CSMD3: variants seen among roughly 807,000 people sequenced by gnomAD.
CSMD3 encodes CUB and Sushi multiple domains 3.
CSMD3 carries 177 observed loss-of-function variants against 435.2 expected under a neutral mutation model. The ratio of observed to expected loss-of-function variants is 0.41; its 90% confidence interval spans 0.36 to 0.46. The LOEUF is 0.46. Among genes scored for constraint, CSMD3 ranks in the 20% least tolerant of loss-of-function variants. The pLI is 0.34. For synonymous variants in CSMD3, 1,656 were observed against 1,520.5 expected (o/e 1.09, Z -2.07); for missense variants, 4,265 against 4,504.6 (o/e 0.95, Z 1.52).
chr8:113,299,383 A>T (rs2093746721), intron 2 of CSMD3, among the ~76,000 whole-genome samples: 1 of 152,194 alleles, frequency 6.6e-6, no homozygotes, highest in Non-Finnish European at 1.5e-5. Context: ...AAAAGCATAA[A>T]ATATGTTGCC....
intron 7 of CSMD3, among the ~76,000 whole-genome samples, chr8:112,971,056 C>A (rs1025531101): frequency 6.6e-6 from 1 of 152,148 alleles, no homozygotes; most frequent in Non-Finnish European, 1.5e-5. Flanking sequence ...ATTCTCTGAG[C>A]AGCCCTCTTT....
intron 1 of CSMD3, among the ~76,000 whole-genome samples, chr8:113,356,000 CT>C (rs1185375146): frequency 2.0e-5 from 3 of 150,868 alleles, no homozygotes; most frequent in Non-Finnish European, 4.4e-5. Context: ...TTTAGCAAGT[CT>C]AAACATAAAT....
At chr8:112,496,752 G>C (rs1821388436) in intron 30 of CSMD3, among the ~76,000 whole-genome samples, 1 of 152,098 alleles carries the variant, frequency 6.6e-6, no homozygotes, top group Non-Finnish European at 1.5e-5. Flanking sequence ...AAAAGCAATT[G>C]AACTCATGGA....
intron 4 of CSMD3, among the ~76,000 whole-genome samples, chr8:113,154,455 T>C (rs1310062709): frequency 6.6e-6 from 1 of 152,008 alleles, no homozygotes; most frequent in Admixed American, 6.6e-5. Flanking sequence ...ATGTGTTTTT[T>C]TTAATCTCTG....
Position 112,558,879 on chromosome 8 carries a change from A to G in CSMD3, c.4043-1925T>C, listed in dbSNP as rs186724278. 7.8e-4 allele frequency among the ~76,000 whole-genome samples: 118 copies of G among 152,082 alleles called. 1 individual carries two copies. Among genetic ancestry groups the G allele is most frequent in the African/African-American group, 2.7e-3 (114 of 41,544 alleles). On this transcript the variant is annotated intron_variant, in intron 24 of 70. Coordinates refer to ENST00000297405, the MANE Select transcript of CSMD3 (RefSeq NM_198123.2). ...TGCTTTAGTTGTATAACCTTAGAAG[A>G]AAGTGAATACTCTCATATTTAAAAT...
chr8:113,385,247 C>A (rs1210880681), intron 1 of CSMD3, among the ~76,000 whole-genome samples: 1 of 152,076 alleles, frequency 6.6e-6, no homozygotes, highest in East Asian at 1.9e-4. Context: ...TGTGTCTCTT[C>A]AAACTTTGTA....
chr8:112,985,825 C>T (rs943393770), intron 6 of CSMD3, among the ~76,000 whole-genome samples: 5 of 152,138 alleles, frequency 3.3e-5, no homozygotes, highest in Non-Finnish European at 7.4e-5. Flanking sequence ...CAGATGGGAC[C>T]ACCTCATTGC....
chr8:113,054,227 T>C (rs1162385032), intron 5 of CSMD3, among the ~76,000 whole-genome samples: 2 of 152,210 alleles, frequency 1.3e-5, no homozygotes, highest in Non-Finnish European at 2.9e-5. Context: ...GAAAAATATC[T>C]AATTTTATTC....
chr8:113,109,561 C>G (rs2090576462), intron 4 of CSMD3, among the ~76,000 whole-genome samples: 1 of 152,196 alleles, frequency 6.6e-6, no homozygotes, highest in African/African-American at 2.4e-5. Flanking sequence ...TGTCTTATAG[C>G]TCAAGAATAA....
At chr8:113,020,013 A>AAT (rs2086627232) in intron 5 of CSMD3, among the ~76,000 whole-genome samples, 1 of 149,904 alleles carries the variant, frequency 6.7e-6, no homozygotes, top group Non-Finnish European at 1.5e-5. Flanking sequence ...AATACAAAAA[A>AAT]TTAGCCGGGC....
intron 10 of CSMD3, among the ~76,000 whole-genome samples, chr8:112,869,213 G>T (rs545632330): frequency 6.6e-6 from 1 of 152,160 alleles, no homozygotes; most frequent in South Asian, 2.1e-4. Flanking sequence ...CCAACCTACT[G>T]GCATAAGCAC....
At chr8:112,535,374 A>G (rs546211142) in intron 27 of CSMD3, among the ~76,000 whole-genome samples, 2 of 152,256 alleles carry the variant, frequency 1.3e-5, no homozygotes, top group Non-Finnish European at 2.9e-5. Context: ...TTATACACCA[A>G]TAACAGACAA....
At chr8:112,898,228 G>A (rs1417677278) in intron 10 of CSMD3, among the ~76,000 whole-genome samples, 1 of 151,114 alleles carries the variant, frequency 6.6e-6, no homozygotes, top group Non-Finnish European at 1.5e-5. Flanking sequence ...TGAAGATAGT[G>A]ATATTGGTGG....
At chr8:112,677,871 T>G (rs1366802212) in intron 16 of CSMD3, among the ~76,000 whole-genome samples, 2 of 152,176 alleles carry the variant, frequency 1.3e-5, no homozygotes, top group African/African-American at 4.8e-5. Flanking sequence ...GAATAGAGGT[T>G]GCTGTCCAAT....
chr8:112,504,133 C>A (rs985714338), intron 29 of CSMD3, among the ~76,000 whole-genome samples, 156 bp from the exon 30 acceptor site: 1 of 151,794 alleles, frequency 6.6e-6, no homozygotes, highest in East Asian at 1.9e-4. Context: ...AATCACCTGG[C>A]AACAACATAT....
intron 10 of CSMD3, among the ~76,000 whole-genome samples, chr8:112,864,314 T>C (rs2080913314): frequency 6.6e-6 from 1 of 152,108 alleles, no homozygotes. Flanking sequence ...AGTGGCATGA[T>C]CTCGGCTCAT....
intron 49 of CSMD3, among the ~76,000 whole-genome samples, chr8:112,313,335 ACT>A (rs1229389485): frequency 1.3e-5 from 2 of 152,076 alleles, no homozygotes; most frequent in Admixed American, 6.6e-5. Context: ...ATGATGTGTT[ACT>A]CTCTCTTTCG....
At chr8:113,170,822 G>A (rs1036141766) in intron 4 of CSMD3, among the ~76,000 whole-genome samples, 2 of 152,020 alleles carry the variant, frequency 1.3e-5, no homozygotes, top group African/African-American at 4.8e-5. Context: ...AGAAAAAAAA[G>A]TGACCTGGGT....
intron 6 of CSMD3, among the ~76,000 whole-genome samples, chr8:112,992,506 T>C (rs1418350596): frequency 2.6e-5 from 4 of 151,694 alleles, no homozygotes; most frequent in Non-Finnish European, 5.9e-5. Context: ...TGCTTACTCC[T>C]GAAAAATGAG....
Sources: gnomAD v4.1 joint callset for allele counts (sites outside exome capture counted in the v4.1 genomes callset) on GRCh38, gnomAD v4.1.1 for gene constraint, MANE v1.5 for transcripts, NCBI Gene and HGNC (gene_info 2026-07-23, HGNC 2026-07-21) for gene names.